The following ADCY7 variants were observed in gnomAD, a reference collection of about 807,000 sequenced individuals.
The protein encoded by ADCY7 is adenylate cyclase 7.
A neutral mutation model predicts 120.6 loss-of-function variants in ADCY7; 72 were observed. The observed-to-expected ratio is 0.60, with a 90% CI of 0.49 to 0.73. The LOEUF (loss-of-function observed/expected upper bound fraction) is 0.73. Among genes scored for constraint, ADCY7 ranks in the 30% least tolerant of loss-of-function variants. The probability of loss-of-function intolerance (pLI) is 0.00; values close to 1 mark genes in which losing one functional copy is unlikely to be tolerated. For missense variants in ADCY7, 1,227 were observed against 1,486.0 expected, an observed-to-expected ratio of 0.83 and a Z score of 2.87; for synonymous variants, 661 against 628.0, an observed-to-expected ratio of 1.05 and a Z score of -0.78.
intron 21 of ADCY7, 63 bp downstream of exon 21, chr16:50,312,254 G>A: frequency 6.3e-7 from 1 of 1,580,268 alleles, no homozygotes. Context: ...AGTCCGTAGG[G>A]TGAAGGTGTG....
rs746457945 is a variant in ADCY7 at position 50,312,062 on chromosome 16, C to T, written c.2475C>T (p.Cys825=). Residue 825 remains cysteine (C), a synonymous_variant, in exon 21 of 26, where the codon TGC becomes TGT. Transcript: ENST00000673801. ...RQIDYYCRLD[C]LWKKKFKKEH... ...TTGACTATTACTGCCGCTTGGACTGCCTATGGAAGAAGAAGTTCAAGAAGG... is the reference window on the plus strand; with the variant it reads ...TTGACTATTACTGCCGCTTGGACTGTCTATGGAAGAAGAAGTTCAAGAAGG... 10 of 1,614,172 alleles carry T rather than the reference C, an allele frequency of 6.2e-6. No homozygotes were observed. The Admixed American group carries it at 1.2e-4, about 19-fold the overall frequency.
chr16:50,281,124 C>T (rs1177452417), intron 1 of ADCY7, among the ~76,000 whole-genome samples: 1 of 152,208 alleles, frequency 6.6e-6, no homozygotes, highest in Non-Finnish European at 1.5e-5. Flanking sequence ...CATGGTTGGG[C>T]TCTGACCCTG....
chr16:50,306,313 C>T (rs1312712535), intron 14 of ADCY7, among the ~76,000 whole-genome samples: 7 of 133,106 alleles, frequency 5.3e-5, no homozygotes, highest in African/African-American at 1.6e-4. Flanking sequence ...ATAATTTAAC[C>T]GTCACAACGG....
intron 1 of ADCY7, chr16:50,246,282 C>G (rs939427183): frequency 1.3e-5 from 2 of 151,174 alleles, no homozygotes; most frequent in Non-Finnish European, 3.0e-5. Flanking sequence ...GCCGCTGCCC[C>G]TCTCCGCGCG....
intron 22 of ADCY7, chr16:50,313,706 GCTCTGTGCAGACA>G (rs1567584911): frequency 2.1e-6 from 1 of 470,184 alleles, no homozygotes; most frequent in African/African-American, 1.9e-5. Flanking sequence ...TGCTGTGTTT[GCTCTGTGCAGACA>G]CAGATGGAAG....
intron 3 of ADCY7, among the ~76,000 whole-genome samples, chr16:50,291,478 C>T (rs562451153): frequency 9.8e-5 from 15 of 152,306 alleles, no homozygotes; most frequent in Admixed American, 7.2e-4. Context: ...CCCTGGATCA[C>T]GCGGGGCATG....
intron 19 of ADCY7, 23 bp from the exon 20 acceptor site, chr16:50,311,670 C>CT (rs1415826664): frequency 6.3e-7 from 1 of 1,577,488 alleles, no homozygotes; most frequent in Admixed American, 1.7e-5. Flanking sequence ...CTGGGAGTGA[C>CT]TTGGGCCTCC....
intron 6 of ADCY7, among the ~76,000 whole-genome samples, 159 bp downstream of exon 6, chr16:50,293,661 T>G (rs2035149485): frequency 6.6e-6 from 1 of 152,164 alleles, no homozygotes; most frequent in Admixed American, 6.5e-5. Context: ...GGGCCCTCCC[T>G]GGGTCTCAGA....
chr16:50,259,392 C>T (rs555072136), intron 1 of ADCY7, among the ~76,000 whole-genome samples: 12 of 152,338 alleles, frequency 7.9e-5, no homozygotes, highest in African/African-American at 1.7e-4. Context: ...GAAGGACAGG[C>T]GGCCTCTGGT....
At chr16:50,277,210 T>C (rs1013051906) in intron 1 of ADCY7, among the ~76,000 whole-genome samples, 1 of 152,226 alleles carries the variant, frequency 6.6e-6, no homozygotes, top group South Asian at 2.1e-4. Context: ...AGTTCGTGAC[T>C]GATAGGTATA....
chr16:50,293,444 C>T lies in ADCY7; in HGVS notation c.778C>T (p.Arg260Cys), dbSNP rs151207781. The change falls in exon 6 of 26, where the codon CGC becomes TGC. Residue 260 changes from arginine to cysteine, a missense_variant. By Grantham distance (180) the Arg-to-Cys change is radical. Transcript: ENST00000673801. ...ACGGCTCAAGGAGCATGGTGACCGT[C>T]GCTGCATGCCTGACAACAACTTCCA... ...IERLKEHGDR[R>C]CMPDNNFHSL... The T allele has an allele frequency of 3.9e-5, 63 of 1,613,958 alleles. No individual in the cohort carries two copies. The highest frequency in any genetic ancestry group is 4.8e-5 in the Non-Finnish European group (57 of 1,180,034).
At chr16:50,305,637 G>C (rs373178960) in intron 13 of ADCY7, 51 bp downstream of exon 13, 7 of 1,559,836 alleles carry the variant, frequency 4.5e-6, no homozygotes, top group Non-Finnish European at 6.1e-6. Context: ...CCTCGGATAG[G>C]GGTCCCCTAT....
At chr16:50,310,601 G>A (rs2036392674) in intron 18 of ADCY7, 86 bp from the exon 19 acceptor site, 4 of 1,599,788 alleles carry the variant, frequency 2.5e-6, no homozygotes, top group East Asian at 2.3e-5. Context: ...GAGGTGCAGG[G>A]AGTGGGGCTC....
chr16:50,304,280 G>A (rs2035917250), intron 10 of ADCY7, 80 bp from the exon 11 acceptor site: 2 of 1,306,576 alleles, frequency 1.5e-6, no homozygotes, highest in East Asian at 2.8e-5. Context: ...ACTTCAGGGA[G>A]AGCTGGATGG....
intron 1 of ADCY7, among the ~76,000 whole-genome samples, chr16:50,278,515 C>T (rs1469856050): frequency 2.0e-5 from 3 of 152,154 alleles, no homozygotes; most frequent in East Asian, 3.8e-4. Flanking sequence ...TAATCTGTCA[C>T]GTGTCTTTTG....
chr16:50,271,863 C>T (rs2033595726), intron 1 of ADCY7, among the ~76,000 whole-genome samples: 1 of 152,190 alleles, frequency 6.6e-6, no homozygotes, highest in African/African-American at 2.4e-5. Context: ...TCAGCCGCCT[C>T]CCCCACCCCC....
At chr16:50,265,720 T>G (rs528163001), upstream of ADCY7, among the ~76,000 whole-genome samples, 11 of 152,168 alleles carry the variant, frequency 7.2e-5, no homozygotes, top group Non-Finnish European at 1.5e-4. Flanking sequence ...ACACCATTGC[T>G]TTGAGGAGCT....
At chr16:50,248,412 A>G (rs946006952) in intron 1 of ADCY7, among the ~76,000 whole-genome samples, 2 of 152,184 alleles carry the variant, frequency 1.3e-5, no homozygotes, top group African/African-American at 4.8e-5. Flanking sequence ...TCTGGGCAGG[A>G]GGCAGAGAGC....
In ADCY7 at chr16:50,297,428, G is replaced by T. The variant is rs900115248; in HGVS notation, c.949-1476G>T. On this transcript the variant is annotated intron_variant, in intron 7 of 25. Coordinates refer to ENST00000673801, the MANE Select transcript of ADCY7 (RefSeq NM_001114.5). The surrounding 1 kb of genome is among the most constrained non-coding windows in gnomAD (Gnocchi z 4.4). Reference sequence around the variant, plus strand: ...CCATGGGCAGTCCTGTGCCTGGTCCGAGAGGAGATCAGGGTAGCTGGAGCC... The same window carrying T: ...CCATGGGCAGTCCTGTGCCTGGTCCTAGAGGAGATCAGGGTAGCTGGAGCC... Among the ~76,000 whole-genome samples the T allele has an allele frequency of 4.6e-5, 7 of 152,186 alleles. No individual in the cohort carries two copies. The highest frequency in any genetic ancestry group is 8.8e-5 in the Non-Finnish European group (6 of 68,022).
Sources: allele counts gnomAD v4.1 joint callset (sites outside exome capture counted in the v4.1 genomes callset), GRCh38; gene constraint gnomAD v4.1.1; non-coding constraint Gnocchi (gnomAD v3.1); transcripts MANE v1.5; gene names NCBI Gene and HGNC (gene_info 2026-07-23, HGNC 2026-07-21).